AK9: variants seen among roughly 807,000 people sequenced by gnomAD.
The protein encoded by AK9 is adenylate kinase domain containing 1.
AK9 carries 191 observed loss-of-function variants against 239.6 expected under a neutral mutation model. That is an observed-to-expected ratio of 0.80 (90% CI 0.71 to 0.90). The LOEUF (loss-of-function observed/expected upper bound fraction) is 0.90, where lower values mean the gene tolerates loss of function less well. AK9 is among the 40% of genes least tolerant of loss of function. The probability of loss-of-function intolerance (pLI) is 0.00; values close to 1 mark genes in which losing one functional copy is unlikely to be tolerated. For missense variants in AK9, 1,995 were observed against 2,214.7 expected, an observed-to-expected ratio of 0.90 and a Z score of 1.99; for synonymous variants, 689 against 721.0, an observed-to-expected ratio of 0.96 and a Z score of 0.71.
At chr6:109,596,824 G>C (rs1675840543) in intron 17 of AK9, among the ~76,000 whole-genome samples, 1 of 152,246 alleles carries the variant, frequency 6.6e-6, no homozygotes, top group South Asian at 2.1e-4. Context: ...GTATCTTTTT[G>C]ATATAGTGAT....
At chr6:109,625,194 C>T (rs1283337190) in intron 12 of AK9, among the ~76,000 whole-genome samples, 2 of 152,074 alleles carry the variant, frequency 1.3e-5, no homozygotes, top group African/African-American at 2.4e-5. Context: ...TTATGAAACT[C>T]GTAGTCATCA....
At chr6:109,509,032 A>C in intron 33 of AK9, 147 bp downstream of exon 33, 45 of 855,308 alleles carry the variant, frequency 5.3e-5, no homozygotes, top group Non-Finnish European at 7.8e-5. Context: ...TCAAATATGT[A>C]ACCATATAGG....
chr6:109,655,023 TA>T (rs899230461), intron 8 of AK9, among the ~76,000 whole-genome samples: 38 of 152,206 alleles, frequency 2.5e-4, no homozygotes, highest in African/African-American at 9.2e-4. Flanking sequence ...CATCTAGGCC[TA>T]AAGTCTAGGT....
intron 26 of AK9, 138 bp downstream of exon 26, chr6:109,545,729 G>T: frequency 9.6e-7 from 1 of 1,043,884 alleles, no homozygotes. Context: ...CTGAGCCCAG[G>T]GAAGTTGAGG....
intron 17 of AK9, among the ~76,000 whole-genome samples, chr6:109,609,402 C>G (rs138033126): frequency 6.6e-6 from 1 of 152,310 alleles, no homozygotes; most frequent in East Asian, 1.9e-4. Context: ...TTCCGTCTTC[C>G]CCACCTGACG....
chr6:109,582,571 T>C (rs1583108364), intron 19 of AK9, among the ~76,000 whole-genome samples: 1 of 152,302 alleles, frequency 6.6e-6, no homozygotes, highest in Admixed American at 6.5e-5. Flanking sequence ...CTTGAACAGA[T>C]GAAGAGTTCT....
intron 17 of AK9, among the ~76,000 whole-genome samples, chr6:109,603,346 C>G (rs1429593838): frequency 6.6e-6 from 1 of 152,074 alleles, no homozygotes; most frequent in Non-Finnish European, 1.5e-5. Flanking sequence ...ACTCCAGACC[C>G]TGTTTGCCTA....
intron 17 of AK9, among the ~76,000 whole-genome samples, chr6:109,594,068 C>A (rs1224149629): frequency 3.3e-5 from 5 of 152,148 alleles, no homozygotes; most frequent in Admixed American, 1.3e-4. Flanking sequence ...AGAGAGGAAG[C>A]CAAAATTTAT....
Position 109,614,191 on chromosome 6 carries a change from T to C in AK9, c.1601A>G (p.Asp534Gly), listed in dbSNP as rs1427448138. The change falls in exon 15 of 41, where the codon GAT becomes GGT. Residue 534 changes from aspartate to glycine, a missense_variant. By Grantham distance (94) the Asp-to-Gly change is moderately conservative. Coordinates refer to ENST00000424296, the MANE Select transcript of AK9 (RefSeq NM_001145128.3). Reference sequence around the variant, plus strand: ...GCAGTTCACTTTGTTACCATCTTTATCAACTTTAGCAGCTTGATCATGGAG... The same window carrying C: ...GCAGTTCACTTTGTTACCATCTTTACCAACTTTAGCAGCTTGATCATGGAG... ...NVLHDQAAKV[D>G]KDDGKETGET... The C allele has an allele frequency of 6.4e-7, 1 of 1,550,928 alleles. No homozygotes were observed. Among genetic ancestry groups the C allele is most frequent in the African/African-American group, 1.4e-5 (1 of 73,020 alleles).
At chr6:109,666,184 T>A (rs998990563) in intron 5 of AK9, among the ~76,000 whole-genome samples, 2 of 152,298 alleles carry the variant, frequency 1.3e-5, no homozygotes, top group African/African-American at 2.4e-5. Context: ...TAGGGGTGTA[T>A]CTATGGGAGG....
At chr6:109,518,456 T>C (rs1779489582) in intron 29 of AK9, among the ~76,000 whole-genome samples, 1 of 152,140 alleles carries the variant, frequency 6.6e-6, no homozygotes, top group African/African-American at 2.4e-5. Flanking sequence ...CTCACCTCTC[T>C]GGCTCCACTG....
chr6:109,641,964 G>C (rs1328218948), intron 9 of AK9, among the ~76,000 whole-genome samples: 3 of 152,184 alleles, frequency 2.0e-5, no homozygotes, highest in South Asian at 2.1e-4. Context: ...ACTCATAACA[G>C]TCTGCCCTCT....
At chr6:109,670,595 GT>G (rs895640097) in intron 5 of AK9, among the ~76,000 whole-genome samples, 51 of 150,422 alleles carry the variant, frequency 3.4e-4, no homozygotes, top group African/African-American at 8.1e-4. Flanking sequence ...TCTTCGTGTT[GT>G]TTTTTTTTCT....
At chr6:109,555,835 C>CT (rs549130217) in intron 24 of AK9, among the ~76,000 whole-genome samples, 210 of 152,220 alleles carry the variant, frequency 1.4e-3, no homozygotes, top group Middle Eastern at 0.01. Flanking sequence ...GTGACCCCTG[C>CT]TTTTTTTGGC....
chr6:109,573,941 G>A (rs1357823141), intron 20 of AK9, among the ~76,000 whole-genome samples: 2 of 152,248 alleles, frequency 1.3e-5, no homozygotes, highest in East Asian at 3.9e-4. Flanking sequence ...GTAGCCACTA[G>A]CTACATGTGG....
intron 5 of AK9, among the ~76,000 whole-genome samples, chr6:109,667,766 T>G (rs959358511): frequency 6.6e-6 from 1 of 152,246 alleles, no homozygotes; most frequent in Non-Finnish European, 1.5e-5. Flanking sequence ...TATTGCATGA[T>G]GTATATGTGC....
chr6:109,611,122 T>C (rs944698218), intron 16 of AK9, among the ~76,000 whole-genome samples: 1 of 152,212 alleles, frequency 6.6e-6, no homozygotes, highest in African/African-American at 2.4e-5. Flanking sequence ...ACTCCTTGAA[T>C]TCTGCATTTG....
intron 33 of AK9, among the ~76,000 whole-genome samples, chr6:109,508,668 C>T (rs570221070): frequency 7.9e-5 from 12 of 152,190 alleles, no homozygotes; most frequent in South Asian, 2.1e-4. Context: ...GGGTATGGCC[C>T]GTGGCTGTGC....
At chr6:109,504,076 G>A (rs1400934446) in intron 35 of AK9, among the ~76,000 whole-genome samples, 2 of 152,182 alleles carry the variant, frequency 1.3e-5, no homozygotes, top group African/African-American at 4.8e-5. Flanking sequence ...GGACACTGCT[G>A]GGTGCAGTGG....
Sources: allele counts gnomAD v4.1 joint callset (sites outside exome capture counted in the v4.1 genomes callset), GRCh38; gene constraint gnomAD v4.1.1; transcripts MANE v1.5; gene names NCBI Gene and HGNC (gene_info 2026-07-23, HGNC 2026-07-21).